Variants in ARSB observed in about 807,000 individuals in gnomAD.
ARSB encodes the protein arylsulfatase B.
A neutral mutation model predicts 50.9 loss-of-function variants in ARSB; 41 were observed. That is an observed-to-expected ratio of 0.81 (90% CI 0.63 to 1.04). The LOEUF is 1.04. ARSB is among the 50% of genes least tolerant of loss of function. The pLI, the probability that ARSB is intolerant of heterozygous loss-of-function variation, is 0.00. For missense variants in ARSB, 672 were observed against 693.3 expected (o/e 0.97, Z 0.35); for synonymous variants, 269 against 284.8 (o/e 0.94, Z 0.56).
intron 1 of ARSB, among the ~76,000 whole-genome samples, chr5:78,977,210 G>A (rs186359501): frequency 4.7e-5 from 7 of 148,094 alleles, no homozygotes; most frequent in Non-Finnish European, 1.0e-4. Context: ...CTGGAGTGCA[G>A]TGGCGCAATC....
intron 4 of ARSB, among the ~76,000 whole-genome samples, chr5:78,894,792 C>T (rs967687499): frequency 2.0e-5 from 3 of 152,214 alleles, no homozygotes; most frequent in Non-Finnish European, 4.4e-5. Flanking sequence ...GAAATAAACT[C>T]TGTGAGCCCC....
intron 5 of ARSB, among the ~76,000 whole-genome samples, chr5:78,853,479 T>C (rs1745956019): frequency 6.6e-6 from 1 of 152,204 alleles, no homozygotes; most frequent in Non-Finnish European, 1.5e-5. Flanking sequence ...GGGGGGTGCC[T>C]CCCGGTTAGG....
chr5:78,782,935 G>A lies in ARSB; in HGVS notation c.1214-961C>T, dbSNP rs114469868. ...GAAATTGGACAGCAAAAAGGGTCTC[G>A]GTTGAACATGCTCAGTTCCTCCTTT... On this transcript the variant is annotated intron_variant, in intron 6 of 7. Transcript: ENST00000264914. Among the ~76,000 whole-genome samples the A allele has an allele frequency of 6.6e-4, 101 of 152,202 alleles. 1 individual carries two copies. Among genetic ancestry groups the A allele is most frequent in the African/African-American group, 2.1e-3 (89 of 41,540 alleles).
intron 5 of ARSB, among the ~76,000 whole-genome samples, chr5:78,847,956 T>C (rs1745524950): frequency 6.6e-6 from 1 of 152,080 alleles, no homozygotes; most frequent in South Asian, 2.1e-4. Flanking sequence ...CATTCTTGAT[T>C]CATCTAGCTA....
chr5:78,799,596 C>A (rs1018666617), intron 6 of ARSB, among the ~76,000 whole-genome samples: 3 of 152,166 alleles, frequency 2.0e-5, no homozygotes, highest in Non-Finnish European at 4.4e-5. Flanking sequence ...AACCCGCATA[C>A]GGAAAACCAA....
chr5:78,948,407 C>T (rs149445920), intron 4 of ARSB, among the ~76,000 whole-genome samples: 1 of 151,768 alleles, frequency 6.6e-6, no homozygotes, highest in Non-Finnish European at 1.5e-5. Flanking sequence ...TCATGTACTC[C>T]ATAAATATAT....
intron 1 of ARSB, among the ~76,000 whole-genome samples, chr5:78,974,227 G>A (rs772117607): frequency 1.3e-5 from 2 of 152,340 alleles, no homozygotes; most frequent in Middle Eastern, 3.4e-3. Flanking sequence ...CTACAGACAC[G>A]CATTATGTGT....
chr5:78,944,724 C>T (rs1751131286), intron 4 of ARSB, among the ~76,000 whole-genome samples: 1 of 152,222 alleles, frequency 6.6e-6, no homozygotes, highest in South Asian at 2.1e-4. Flanking sequence ...ACTCGGGGGT[C>T]AGGGACCCAC....
intron 2 of ARSB, 63 bp downstream of exon 2, chr5:78,968,943 T>C (rs1297238264): frequency 1.3e-6 from 2 of 1,553,282 alleles, no homozygotes; most frequent in African/African-American, 2.7e-5. Context: ...TGCACTTGGG[T>C]GTGTTTTATG....
intron 4 of ARSB, among the ~76,000 whole-genome samples, chr5:78,951,751 A>C (rs1350036623): frequency 1.3e-5 from 2 of 152,208 alleles, no homozygotes; most frequent in Admixed American, 1.3e-4. Context: ...AAAAATGTAA[A>C]CTATGGAAAT....
chr5:78,881,761 T>G (rs1337157046), intron 5 of ARSB, among the ~76,000 whole-genome samples: 4 of 152,218 alleles, frequency 2.6e-5, no homozygotes, highest in Non-Finnish European at 4.4e-5. Flanking sequence ...TTTGGTAATG[T>G]TTATCAAATG....
intron 4 of ARSB, 110 bp downstream of exon 4, chr5:78,955,185 C>A (rs1751664967): frequency 1.9e-6 from 2 of 1,061,904 alleles, no homozygotes; most frequent in East Asian, 2.5e-5. Context: ...TTGCAGTTTG[C>A]ATTTATTTTA....
intron 6 of ARSB, among the ~76,000 whole-genome samples, chr5:78,834,075 A>T (rs1015715879): frequency 6.6e-6 from 1 of 152,182 alleles, no homozygotes; most frequent in Non-Finnish European, 1.5e-5. Flanking sequence ...TTTATCATTC[A>T]TTAGCAGATA....
intron 4 of ARSB, among the ~76,000 whole-genome samples, chr5:78,911,973 T>A (rs1323550084): frequency 6.6e-6 from 1 of 152,136 alleles, no homozygotes; most frequent in African/African-American, 2.4e-5. Context: ...AAAAAGGTGG[T>A]ATTTGGGGAG....
At chr5:78,814,644 C>T (rs1743925726) in intron 6 of ARSB, among the ~76,000 whole-genome samples, 1 of 150,812 alleles carries the variant, frequency 6.6e-6, no homozygotes, top group South Asian at 2.1e-4. Flanking sequence ...TTCTGTAGCA[C>T]CCACTGTTGG....
intron 6 of ARSB, among the ~76,000 whole-genome samples, chr5:78,837,402 T>C (rs774618884): frequency 6.6e-6 from 1 of 152,178 alleles, no homozygotes; most frequent in Non-Finnish European, 1.5e-5. Flanking sequence ...ATGTATCTCT[T>C]AGGTGTACTG....
At chr5:78,802,952 C>T (rs1743447939) in intron 6 of ARSB, among the ~76,000 whole-genome samples, 1 of 152,186 alleles carries the variant, frequency 6.6e-6, no homozygotes, top group African/African-American at 2.4e-5. Flanking sequence ...TCATAATGGA[C>T]TTAAATGAAC....
intron 5 of ARSB, among the ~76,000 whole-genome samples, chr5:78,870,063 G>C (rs1172757799): frequency 1.5e-5 from 2 of 130,184 alleles, no homozygotes; most frequent in African/African-American, 5.5e-5. Flanking sequence ...AGAAAATCTA[G>C]AAGAAATGGA....
chr5:78,845,597 C>T (rs114018825), intron 5 of ARSB, among the ~76,000 whole-genome samples: 322 of 152,024 alleles, frequency 2.1e-3, no homozygotes, highest in Admixed American at 4.1e-3. Context: ...CATATCTCAT[C>T]GTGGTTTTAA....
Sources: allele counts gnomAD v4.1 joint callset (sites outside exome capture counted in the v4.1 genomes callset), GRCh38; gene constraint gnomAD v4.1.1; transcripts MANE v1.5; gene names NCBI Gene and HGNC (gene_info 2026-07-23, HGNC 2026-07-21).